SLC2A11: variants seen among roughly 807,000 people sequenced by gnomAD.
SLC2A11 encodes solute carrier family 2 member 11, also known as solute carrier family 2, facilitated glucose transporter member 11.
In SLC2A11, 43 loss-of-function variants were observed where a neutral mutation model predicts 52.1. That is an observed-to-expected ratio of 0.82 (90% CI 0.65 to 1.06). The LOEUF is 1.06. Ranked by LOEUF, SLC2A11 falls within the 50% of genes least tolerant of loss-of-function variation. SLC2A11 has a pLI of 0.00. For missense variants in SLC2A11, 582 were observed against 654.2 expected (o/e 0.89, Z 1.20); for synonymous variants, 261 against 277.6 (o/e 0.94, Z 0.59).
chr22:23,872,340 A>C (rs953985998), intron 3 of SLC2A11: 3 of 61,038 alleles, frequency 4.9e-5, no homozygotes, highest in African/African-American at 7.7e-5. Context: ...GTGAGACCCT[A>C]TCTCTGAATA....
rs755099958 is a variant in SLC2A11, at chr22:23,884,806, C to T, written c.1457C>T (p.Pro486Leu). 29 of 1,614,204 alleles carry T rather than the reference C, an allele frequency of 1.8e-5. No homozygotes were observed. The highest frequency in any genetic ancestry group is 2.5e-5 in the Non-Finnish European group (29 of 1,180,020). ...AACTTCCCCAGGCGGGCCCAGGGCC[C>T]CACGTGGAGGAGCCTGGAGGTTATC... ...RLNFPRRAQG[P>L]TWRSLEVIQS... The change falls in exon 12 of 12, where the codon CCC (proline) becomes CTC (leucine). Residue 486 changes from proline to leucine, a missense_variant. Transcript: ENST00000316185. The surrounding 1 kb of genome is among the most constrained non-coding windows in gnomAD (Gnocchi z 4.3).
intron 1 of SLC2A11, among the ~76,000 whole-genome samples, chr22:23,861,759 G>A (rs1021048564): frequency 7.2e-5 from 11 of 152,200 alleles, no homozygotes; most frequent in African/African-American, 2.7e-4. Flanking sequence ...ACTCTACTGG[G>A]GCCCCAGCTC....
At chr22:23,880,553 C>T (rs2032766348) in intron 6 of SLC2A11, 1 of 152,188 alleles carries the variant, frequency 6.6e-6, no homozygotes, top group South Asian at 2.1e-4. Context: ...GCCCCCTTTT[C>T]TAGTTGTGAG....
chr22:23,883,037 G>A, intron 8 of SLC2A11, 168 bp downstream of exon 8: 1 of 711,080 alleles, frequency 1.4e-6, no homozygotes, highest in Non-Finnish European at 2.5e-6. Context: ...GAGGTGGGTG[G>A]ATCACAAGGT....
intron 3 of SLC2A11, chr22:23,871,120 G>A (rs992698188): frequency 5.9e-5 from 9 of 151,940 alleles, no homozygotes; most frequent in African/African-American, 2.2e-4. Flanking sequence ...TTGAAAAAGG[G>A]ACAGGCCGGG....
Position 23,883,108 on chromosome 22 carries a change from A to T in SLC2A11, c.993+239A>T, listed in dbSNP as rs1409815787. 5.3e-6 allele frequency: 3 copies of T among 569,994 alleles called. No individual in the cohort carries two copies. In the East Asian group the frequency reaches 9.6e-5, roughly 18 times the overall value. 35.3% of individuals were successfully genotyped at this position (569,994 alleles called of 1,614,324 possible). A position where few individuals can be genotyped will look rare whatever the true frequency, so the allele number is the denominator to read the frequency against. On this transcript the variant is annotated intron_variant, in intron 8 of 11. Coordinates refer to ENST00000316185, the MANE Select transcript of SLC2A11 (RefSeq NM_001024939.4). ...ACCCCCGTCTCTACTAAAAAATACA[A>T]AAAATTATCCCGGCGTGGTGGCGGG...
chr22:23,877,319 C>G, intron 5 of SLC2A11, 148 bp downstream of exon 5: 2 of 1,336,340 alleles, frequency 1.5e-6, no homozygotes, highest in Admixed American at 1.8e-5. Flanking sequence ...ATCTCTGCTG[C>G]CAATTCACGA....
rs1447732308 is a variant in SLC2A11, at chr22:23,884,164, G to T, written c.1172-138G>T. ...ACCTCATGCCGGGGCTTCTGGGAGG[G>T]AATGGCAGGAGGAGAGCACTGAGGG... On this transcript the variant is annotated intron_variant, in intron 10 of 11. Transcript: ENST00000316185. The surrounding 1 kb of genome is among the most constrained non-coding windows in gnomAD (Gnocchi z 4.3). 6.8e-7 allele frequency: 1 copy of T among 1,477,212 alleles called. No individual in the cohort carries two copies. The highest frequency in any genetic ancestry group is 2.4e-5 in the East Asian group (1 of 41,166). 91.5% of individuals were successfully genotyped at this position (1,477,212 alleles called of 1,614,324 possible).
intron 5 of SLC2A11, 106 bp downstream of exon 5, chr22:23,877,277 C>A: frequency 6.4e-7 from 1 of 1,559,838 alleles, no homozygotes; most frequent in Non-Finnish European, 8.7e-7. Flanking sequence ...AGCATTATTG[C>A]TTTGCATGAA....
At chr22:23,857,601 C>T (rs1297920829), upstream of SLC2A11, 12 of 1,122,008 alleles carry the variant, frequency 1.1e-5, no homozygotes, top group Admixed American at 2.5e-4. Flanking sequence ...GCGGCGACTC[C>T]CCCCCAACAC....
intron 3 of SLC2A11, chr22:23,870,203 AATAACT>A: frequency 1.6e-6 from 1 of 606,482 alleles, no homozygotes; most frequent in Non-Finnish European, 3.0e-6. Flanking sequence ...AGACGGAGGT[AATAACT>A]ATTGCGCGGC....
Position 23,882,463 on chromosome 22 carries a change from ACGGCGGCTC to A in SLC2A11, c.703_711del (p.Arg235_Arg237del), listed in dbSNP as rs2032846591. ...GTACCCTCCTCCCTGGCTCAGCACT[ACGGCGGCTC>A]CGGGGCTCCGGGGACTTGGCAGGGG... On this transcript the variant is annotated inframe_deletion, in exon 7 of 12. Coordinates refer to ENST00000316185, the MANE Select transcript of SLC2A11 (RefSeq NM_001024939.4). The A allele has an allele frequency of 1.3e-6, 2 of 1,539,278 alleles. No individual in the cohort carries two copies. The highest frequency in any genetic ancestry group is 2.4e-5 in the South Asian group (2 of 82,976).
In SLC2A11 at chr22:23,862,310, A is replaced by T. The variant is rs1331012845; in HGVS notation, c.129+108A>T. ...CATCCACTAGGTGGCACTTTCTGCC[A>T]CAAGTTTGTCTCCATTGGGTTGGCC... On this transcript the variant is annotated intron_variant, in intron 2 of 11. Transcript: ENST00000316185. 4.9e-6 allele frequency: 5 copies of T among 1,021,964 alleles called. No individual in the cohort carries two copies. The East Asian group carries it at 1.2e-4, about 25-fold the overall frequency. The allele number at this position is 1,021,964 out of a possible 1,614,324, so 63.3% of individuals were successfully genotyped here.
intron 6 of SLC2A11, chr22:23,881,694 C>G (rs966107787): frequency 1.3e-5 from 2 of 152,784 alleles, no homozygotes; most frequent in African/African-American, 4.8e-5. Flanking sequence ...GGAAGATCAT[C>G]TCCATCTGAC....
upstream of SLC2A11, chr22:23,857,614 T>C (rs2031892122): frequency 1.2e-6 from 1 of 810,990 alleles, no homozygotes; most frequent in Non-Finnish European, 1.7e-6. Context: ...CCCAACACGC[T>C]GGGGCGAACT....
chr22:23,861,096 C>T (rs1183563925), intron 1 of SLC2A11, among the ~76,000 whole-genome samples: 1 of 151,910 alleles, frequency 6.6e-6, no homozygotes, highest in Non-Finnish European at 1.5e-5. Flanking sequence ...CCGCCCGCCT[C>T]GGCCTCCCAA....
intron 3 of SLC2A11, 61 bp downstream of exon 3, chr22:23,868,702 C>A: frequency 6.3e-7 from 1 of 1,586,320 alleles, no homozygotes; most frequent in Non-Finnish European, 8.6e-7. Context: ...AGCCTGCAGG[C>A]TGAGGAATGT....
At chr22:23,867,662 G>C in intron 2 of SLC2A11, 1 of 470,384 alleles carries the variant, frequency 2.1e-6, no homozygotes, top group South Asian at 1.5e-5. Context: ...CGAATGTTCA[G>C]CCCCACTCAC....
At position 23,882,527 on chromosome 22, in the gene SLC2A11, G is replaced by A; in HGVS notation, c.763G>A (p.Ala255Thr). 1 of 1,601,246 alleles carries A rather than the reference G, an allele frequency of 6.2e-7. No homozygotes were observed. The highest frequency in any genetic ancestry group is 8.5e-7 in the Non-Finnish European group (1 of 1,175,182). The change falls in exon 7 of 12, where the codon GCC becomes ACC. Residue 255 changes from alanine to threonine, a missense_variant. Transcript: ENST00000316185. ...GGAGGAGCTGGAGGAGGAGCGCGCT[G>A]CCTGCCAGGGCTGCCGTGCCCGGCG... is the stretch of plus-strand genomic sequence containing the variant. ...ELEELEEERA[A>T]CQGCRARRPW... is the part of the protein sequence containing the mutation.
Sources: allele counts gnomAD v4.1 joint callset (sites outside exome capture counted in the v4.1 genomes callset), GRCh38; gene constraint gnomAD v4.1.1; non-coding constraint Gnocchi (gnomAD v3.1); transcripts MANE v1.5; gene names NCBI Gene and HGNC (gene_info 2026-07-23, HGNC 2026-07-21).